The following TSC2 variants were observed in gnomAD, a reference collection of about 807,000 sequenced individuals.
TSC2 encodes the protein TSC complex subunit 2.
A neutral mutation model predicts 202.2 loss-of-function variants in TSC2; 29 were observed. The observed-to-expected ratio is 0.14, with a 90% CI of 0.11 to 0.20. TSC2 has a LOEUF of 0.20. TSC2 is among the 10% of genes least tolerant of loss of function. TSC2 has a pLI of 1.00. For synonymous variants in TSC2, 1,349 were observed against 1,044.0 expected (o/e 1.29, Z -5.63); for missense variants, 2,429 against 2,420.0 (o/e 1.00, Z -0.08).
rs528704488 is a variant in TSC2, at chr16:2,082,317, C to A, written c.3815-119C>A. 4.9e-6 allele frequency: 6 copies of A among 1,217,876 alleles called. No individual in the cohort carries two copies. The South Asian group carries it at 6.1e-5, about 12-fold the overall frequency. 75.4% of individuals were successfully genotyped at this position (1,217,876 alleles called of 1,614,324 possible). On this transcript the variant is annotated intron_variant, in intron 31 of 41. Transcript: ENST00000219476. ...AGCTAGCACTGGGCCCCGTGCGCGCCCCTGCCGGCCGCTGGCCCTGCCCTC... is the reference window on the plus strand; with the variant it reads ...AGCTAGCACTGGGCCCCGTGCGCGCACCTGCCGGCCGCTGGCCCTGCCCTC...
chr16:2,085,070 C>T lies in TSC2; in HGVS notation c.4569+44C>T, dbSNP rs142227748. The stretch of plus-strand genomic sequence containing the variant: ...TCCTGCATCCGCTGGAGCTGTGTGG[C>T]TCGGGTGAATGGTGGGGGGCCCAGC... On this transcript the variant is annotated intron_variant, in intron 35 of 41. Coordinates refer to ENST00000219476, the MANE Select transcript of TSC2 (RefSeq NM_000548.5). The T allele has an allele frequency of 1.6e-3, 2,580 of 1,610,972 alleles. 45 individuals carry two copies. The African/African-American group carries it at 0.031, about 19-fold the overall frequency.
At chr16:2,061,077 A>C in intron 11 of TSC2, 1 of 513,892 alleles carries the variant, frequency 1.9e-6, no homozygotes, top group Non-Finnish European at 3.5e-6. Flanking sequence ...CACAGTCCGC[A>C]GAGTGACCTG....
At chr16:2,061,684 T>TGGGGGTGTCTCAACCCATGAGGCCC (rs1369664659) in intron 11 of TSC2, 187 bp from the exon 12 acceptor site, 20 of 923,886 alleles carry the variant, frequency 2.2e-5, no homozygotes, top group African/African-American at 1.6e-4. Context: ...GGAGAGGATC[T>TGGGGGTGTCTCAACCCATGAGGCCC]GGGGGTGTCT....
chr16:2,048,446 T>C, intron 1 of TSC2, 141 bp from the exon 2 acceptor site: 2 of 1,097,062 alleles, frequency 1.8e-6, no homozygotes, highest in South Asian at 2.7e-5. Flanking sequence ...TCAGCTGGGC[T>C]GTAGTTGAGT....
At chr16:2,062,764 C>CTGCTGGACTGGAAAGCA in intron 13 of TSC2, 164 bp downstream of exon 13, 1 of 923,494 alleles carries the variant, frequency 1.1e-6, no homozygotes, top group Non-Finnish European at 1.7e-6. Context: ...CTTTCCAGTC[C>CTGCTGGACTGGAAAGCA]AGCAGGACAG....
rs761736768 is a variant in TSC2 at position 2,086,708 on chromosome 16, C to T, written c.4850-24C>T. Reference sequence around the variant, plus strand: ...GGGCCTCAGCACTGGCCCCACAAACCCATCCGGCCCTGCTCACCCTCAGCC... The same window carrying T: ...GGGCCTCAGCACTGGCCCCACAAACTCATCCGGCCCTGCTCACCCTCAGCC... On this transcript the variant is annotated intron_variant, in intron 37 of 41. Coordinates refer to ENST00000219476, the MANE Select transcript of TSC2 (RefSeq NM_000548.5). 18 of 1,607,628 alleles carry T rather than the reference C, an allele frequency of 1.1e-5. 1 individual carries two copies. The South Asian group carries it at 1.8e-4, about 16-fold the overall frequency.
chr16:2,065,764 G>A, intron 16 of TSC2, 129 bp downstream of exon 16: 9 of 838,288 alleles, frequency 1.1e-5, no homozygotes, highest in Non-Finnish European at 1.8e-5. Context: ...TGAGGGTGCG[G>A]TGGTCTCAGC....
Position 2,088,349 on chromosome 16 carries a change from G to C in TSC2, c.5259+24G>C, listed in dbSNP as rs199654679. ...GGGTAGGGAATATGGGGCTCCCTCA[G>C]CGGGGTGTGCTGGCTGCCCAAGCTG... On this transcript the variant is annotated intron_variant, in intron 41 of 41. Coordinates refer to ENST00000219476, the MANE Select transcript of TSC2 (RefSeq NM_000548.5). The C allele has an allele frequency of 3.8e-5, 62 of 1,612,434 alleles. 1 individual carries two copies. The East Asian group carries it at 1.4e-3, about 36-fold the overall frequency.
At chr16:2,070,893 T>C (rs2088222556) in intron 17 of TSC2, among the ~76,000 whole-genome samples, 1 of 152,146 alleles carries the variant, frequency 6.6e-6, no homozygotes, top group Non-Finnish European at 1.5e-5. Context: ...GTGAAGGACC[T>C]GCAGCAGAGG....
At position 2,080,188 on chromosome 16, in the gene TSC2, G is replaced by A. The variant is rs45505895; in HGVS notation, c.3421G>A (p.Ala1141Thr). 1.2e-4 allele frequency: 200 copies of A among 1,612,936 alleles called. 1 individual carries two copies. The East Asian group carries it at 2.5e-3, about 20-fold the overall frequency. Reference protein sequence around the residue: ...MSGGHGLRVGALDVPASQFLG... With the variant: ...MSGGHGLRVGTLDVPASQFLG... ...AGGGGGCCATGGTCTTCGAGTTGGC[G>A]CCCTGGACGTGCCGGCCTCCCAGTT... Residue 1141 changes from alanine (A) to threonine (T), a missense_variant, in exon 30 of 42, where the codon GCC becomes ACC. Ala to Thr is a moderately conservative substitution (Grantham distance 58). Coordinates refer to ENST00000219476, the MANE Select transcript of TSC2 (RefSeq NM_000548.5).
At position 2,081,773 on chromosome 16, in the gene TSC2, C is replaced by T. The variant is rs2151484598; in HGVS notation, c.3789C>T (p.Pro1263=). 6.2e-7 allele frequency: 1 copy of T among 1,612,596 alleles called. No homozygotes were observed. The highest frequency in any genetic ancestry group is 1.1e-5 in the South Asian group (1 of 91,060). Residue 1263 remains proline, a synonymous_variant, in exon 31 of 42, where the codon CCC becomes CCT. Transcript: ENST00000219476. Reference sequence around the variant, plus strand: ...TGCCGGCAGCCAGCACGGCCAAACCCCCTCCTCTGCCTCGCTCCAACACAG... The same window carrying T: ...TGCCGGCAGCCAGCACGGCCAAACCTCCTCCTCTGCCTCGCTCCAACACAG... ...LSVPAASTAK[P]PPLPRSNTVA...
chr16:2,083,412 C>G lies in TSC2; in HGVS notation c.3884-283C>G, dbSNP rs1308025406. 11 of 572,818 alleles carry G rather than the reference C, an allele frequency of 1.9e-5. No homozygotes were observed. In the South Asian group the frequency reaches 2.0e-4, roughly 11 times the overall value. The allele number at this position is 572,818 out of a possible 1,614,324, so 35.5% of individuals were successfully genotyped here. ...CGGAGAGCGTCTTGCCCCTGCCTAC[C>G]TGGAGGCACAGGGGTGGCTGCTGGT... On this transcript the variant is annotated intron_variant, in intron 32 of 41. Transcript: ENST00000219476.
chr16:2,086,811 C>T lies in TSC2; in HGVS notation c.4929C>T (p.Asn1643=), dbSNP rs45517381. Residue 1643 remains asparagine, a synonymous_variant, in exon 38 of 42, where the codon AAC becomes AAT. Coordinates refer to ENST00000219476, the MANE Select transcript of TSC2 (RefSeq NM_000548.5). ...HRCDKKRHLG[N]DFVSIVYNDS... is the part of the protein sequence containing the mutation. ...GCGACAAGAAGCGCCACCTGGGCAA[C>T]GACTTTGTGTCCATTGTCTACAATG... 75 of 1,610,606 alleles carry T rather than the reference C, an allele frequency of 4.7e-5. No individual in the cohort carries two copies. The African/African-American group carries it at 5.9e-4, about 13-fold the overall frequency.
intron 32 of TSC2, 171 bp downstream of exon 32, chr16:2,082,675 G>A: frequency 1.3e-6 from 1 of 742,618 alleles, no homozygotes; most frequent in East Asian, 2.7e-5. Context: ...GGCTTGGCCA[G>A]CGGGATCCCC....
chr16:2,088,350 C>G, intron 41 of TSC2, 25 bp downstream of exon 41: 1 of 1,612,366 alleles, frequency 6.2e-7, no homozygotes, highest in East Asian at 2.2e-5. Context: ...GCTCCCTCAG[C>G]GGGGTGTGCT....
intron 36 of TSC2, 48 bp from the exon 37 acceptor site, chr16:2,086,145 G>A (rs2151567403): frequency 1.2e-6 from 2 of 1,608,276 alleles, no homozygotes; most frequent in Non-Finnish European, 1.7e-6. Context: ...TGCGGGGCAG[G>A]GCCCGGCCCG....
chr16:2,065,668 G>GGC, intron 16 of TSC2, 33 bp downstream of exon 16: 1 of 1,575,192 alleles, frequency 6.3e-7, no homozygotes, highest in Non-Finnish European at 8.7e-7. Flanking sequence ...CTGCTCCCGG[G>GGC]GCGCGCATGG....
chr16:2,066,884 A>G (rs1364878540), intron 16 of TSC2, among the ~76,000 whole-genome samples: 1 of 147,230 alleles, frequency 6.8e-6, no homozygotes, highest in Admixed American at 6.8e-5. Flanking sequence ...CTGGTCTTGA[A>G]CTCCTGACCT....
rs1037234018 is a variant in TSC2, at chr16:2,074,698, G to T, written c.2545+309G>T. The T allele has an allele frequency of 1.1e-4, 49 of 463,282 alleles. No homozygotes were observed. In the Admixed American group the frequency reaches 1.2e-3, roughly 11 times the overall value. The allele number at this position is 463,282 out of a possible 1,614,324, so 28.7% of individuals were successfully genotyped here. On this transcript the variant is annotated intron_variant, in intron 22 of 41. Transcript: ENST00000219476. ...GTCCAACAGAGCACACGCCGCTTCA[G>T]GGGGGCTTTGTTCGCTTCCCCCAGA... is the stretch of plus-strand genomic sequence containing the variant.
Sources: allele counts gnomAD v4.1 joint callset (sites outside exome capture counted in the v4.1 genomes callset), GRCh38; gene constraint gnomAD v4.1.1; transcripts MANE v1.5; gene names NCBI Gene and HGNC (gene_info 2026-07-23, HGNC 2026-07-21).